The following SEZ6L variants were observed in gnomAD, a reference collection of about 807,000 sequenced individuals.
SEZ6L encodes seizure 6-like protein.
A neutral mutation model predicts 106.2 loss-of-function variants in SEZ6L; 37 were observed. That is an observed-to-expected ratio of 0.35 (90% CI 0.27 to 0.46). The LOEUF (loss-of-function observed/expected upper bound fraction) is 0.46. SEZ6L is among the 20% of genes least tolerant of loss of function. The probability of loss-of-function intolerance (pLI) is 1.00; values close to 1 mark genes in which losing one functional copy is unlikely to be tolerated. For synonymous variants in SEZ6L, 541 were observed against 570.4 expected (o/e 0.95, Z 0.73); for missense variants, 1,172 against 1,332.8 (o/e 0.88, Z 1.88).
intron 1 of SEZ6L, among the ~76,000 whole-genome samples, chr22:26,196,122 A>C (rs1226495510): frequency 6.6e-6 from 1 of 152,168 alleles, no homozygotes; most frequent in African/African-American, 2.4e-5. Flanking sequence ...GTTTAGCACC[A>C]TCTTCTTGGT....
rs1006068678 is a variant in SEZ6L at position 26,211,124 on chromosome 22, C to G, written c.94+41361C>G. On this transcript the variant is annotated intron_variant, in intron 1 of 16. Coordinates refer to ENST00000248933, the MANE Select transcript of SEZ6L (RefSeq NM_021115.5). ...CTCAAGCCCTGGTCTTCTCCACAGACTAGCCTAGGTCTCTCTATTTCTTGA... is the reference window on the plus strand; with the variant it reads ...CTCAAGCCCTGGTCTTCTCCACAGAGTAGCCTAGGTCTCTCTATTTCTTGA... 5.3e-5 allele frequency among the ~76,000 whole-genome samples: 8 copies of G among 152,320 alleles called. No individual in the cohort carries two copies. The East Asian group carries it at 1.3e-3, about 26-fold the overall frequency.
chr22:26,169,826 G>C (rs1016692106), intron 1 of SEZ6L, 63 bp downstream of exon 1: 9 of 847,722 alleles, frequency 1.1e-5, no homozygotes, highest in Non-Finnish European at 1.4e-5. Flanking sequence ...GGGCAGCCAG[G>C]GGTCGGGGCT....
chr22:26,367,818 A>G (rs1283786156), intron 13 of SEZ6L, among the ~76,000 whole-genome samples: 1 of 152,158 alleles, frequency 6.6e-6, no homozygotes, highest in Non-Finnish European at 1.5e-5. Flanking sequence ...GTTTGTGCAC[A>G]CGGGGAATCG....
intron 9 of SEZ6L, among the ~76,000 whole-genome samples, chr22:26,334,756 C>T (rs921335002): frequency 2.0e-5 from 3 of 152,164 alleles, no homozygotes; most frequent in East Asian, 1.9e-4. Context: ...GGAGCTCACA[C>T]TTTGTGCCTG....
At chr22:26,299,300 T>A (rs951509762) in intron 5 of SEZ6L, 131 bp downstream of exon 5, 3 of 616,438 alleles carry the variant, frequency 4.9e-6, no homozygotes, top group African/African-American at 1.9e-5. Flanking sequence ...CAAATATGGA[T>A]GACTATTGTT....
chr22:26,230,628 A>C (rs2078770195), intron 1 of SEZ6L, among the ~76,000 whole-genome samples: 1 of 152,240 alleles, frequency 6.6e-6, no homozygotes, highest in Non-Finnish European at 1.5e-5. Context: ...TCAGGGAAAC[A>C]GACTGGAGAC....
At chr22:26,200,270 GTGTA>G (rs556584980) in intron 1 of SEZ6L, among the ~76,000 whole-genome samples, 195 of 152,276 alleles carry the variant, frequency 1.3e-3, no homozygotes, top group Non-Finnish European at 2.3e-3. Flanking sequence ...TTGCATGTAT[GTGTA>G]TGTGTGTGTA....
intron 1 of SEZ6L, among the ~76,000 whole-genome samples, chr22:26,199,197 A>G (rs1602010208): frequency 6.6e-6 from 1 of 152,164 alleles, no homozygotes; most frequent in African/African-American, 2.4e-5. Flanking sequence ...CCAATCACCA[A>G]CCAACCTTTT....
In SEZ6L at chr22:26,313,571, T is replaced by TACACACAC. The variant is rs56086023; in HGVS notation, c.1877-168_1877-161dup. ...AGCTGGCCAGCTCTCATTTAATCAT[T>TACACACAC]ACACACACACACACACACACACACA... On this transcript the variant is annotated intron_variant, in intron 8 of 16. Transcript: ENST00000248933. 1.6e-3 allele frequency among the ~76,000 whole-genome samples: 164 copies of TACACACAC among 103,878 alleles called. 2 individuals are homozygous for TACACACAC. Among genetic ancestry groups the TACACACAC allele is most frequent in the African/African-American group, 6.8e-3 (154 of 22,592 alleles). The allele number at this position is 103,878 out of a possible 152,430, so 68.1% of individuals were successfully genotyped here. A position where few individuals can be genotyped will look rare whatever the true frequency, so the allele number is the denominator to read the frequency against.
At chr22:26,294,721 AACACACACACACAC>A (rs56000206) in intron 3 of SEZ6L, among the ~76,000 whole-genome samples, 23 of 148,274 alleles carry the variant, frequency 1.6e-4, no homozygotes, top group South Asian at 4.4e-4. Flanking sequence ...CACGTGCATA[AACACACACACACAC>A]ACACACACAC....
chr22:26,228,827 G>A lies in SEZ6L; in HGVS notation c.94+59064G>A, dbSNP rs528160846. 2.0e-5 allele frequency among the ~76,000 whole-genome samples: 3 copies of A among 152,248 alleles called. No homozygotes were observed. The East Asian group carries it at 5.8e-4, about 29-fold the overall frequency. ...CTATTCATTGGCTGCACCAGAAGAG[G>A]AACCCATCTGGCCTCTTTGTTACTG... On this transcript the variant is annotated intron_variant, in intron 1 of 16. Transcript: ENST00000248933.
At chr22:26,239,196 C>T (rs2079039427) in intron 1 of SEZ6L, among the ~76,000 whole-genome samples, 1 of 152,166 alleles carries the variant, frequency 6.6e-6, no homozygotes, top group Non-Finnish European at 1.5e-5. Context: ...TGCTCTCCAG[C>T]CTGGGCGGCA....
chr22:26,212,979 C>G (rs2145706749), intron 1 of SEZ6L, among the ~76,000 whole-genome samples: 1 of 152,212 alleles, frequency 6.6e-6, no homozygotes, highest in South Asian at 2.1e-4. Flanking sequence ...GGCTGAAGGT[C>G]CAGATGAAGA....
intron 13 of SEZ6L, among the ~76,000 whole-genome samples, chr22:26,370,798 G>T (rs1258551523): frequency 3.9e-5 from 6 of 152,098 alleles, no homozygotes; most frequent in African/African-American, 1.4e-4. Flanking sequence ...GAGCCCAGGA[G>T]TTCGAGACCA....
At chr22:26,280,537 A>G (rs531244084) in intron 1 of SEZ6L, among the ~76,000 whole-genome samples, 207 of 152,278 alleles carry the variant, frequency 1.4e-3, no homozygotes, top group Non-Finnish European at 2.0e-3. Flanking sequence ...TCTTTTTAGA[A>G]GGAAGAAGAC....
intron 1 of SEZ6L, among the ~76,000 whole-genome samples, chr22:26,271,043 A>T (rs766627802): frequency 6.6e-6 from 1 of 152,210 alleles, no homozygotes; most frequent in Non-Finnish European, 1.5e-5. Context: ...AGAAGATGAC[A>T]ATTTGTCTTA....
intron 9 of SEZ6L, among the ~76,000 whole-genome samples, chr22:26,332,846 G>C (rs1159371702): frequency 2.0e-5 from 3 of 152,180 alleles, no homozygotes; most frequent in Non-Finnish European, 2.9e-5. Context: ...GCTTTCATGG[G>C]CTGTTGTATA....
intron 1 of SEZ6L, among the ~76,000 whole-genome samples, chr22:26,263,102 TTCATGCTTCCCATGG>T (rs2080069344): frequency 6.6e-6 from 1 of 152,144 alleles, no homozygotes; most frequent in East Asian, 1.9e-4. Flanking sequence ...ACTCAGCACT[TTCATGCTTCCCATGG>T]TCTACCGGGT....
rs199565691 is a variant in SEZ6L at position 26,305,904 on chromosome 22, CT to C, written c.1349-72del. The C allele has an allele frequency of 3.0e-6, 4 of 1,314,494 alleles. No individual in the cohort carries two copies. The African/African-American group carries it at 6.2e-5, about 20-fold the overall frequency. 81.4% of individuals were successfully genotyped at this position (1,314,494 alleles called of 1,614,324 possible). A position where few individuals can be genotyped will look rare whatever the true frequency, so the allele number is the denominator to read the frequency against. Reference sequence around the variant, plus strand: ...CTCACTTCCTTCTCTCTCTCTCTCTCTTTCTCTCTGTCTCTCTCCTCTCTCT... The same window carrying C: ...CTCACTTCCTTCTCTCTCTCTCTCTCTTCTCTCTGTCTCTCTCCTCTCTCT... On this transcript the variant is annotated intron_variant, in intron 5 of 16. Coordinates refer to ENST00000248933, the MANE Select transcript of SEZ6L (RefSeq NM_021115.5).
Sources: allele counts gnomAD v4.1 joint callset (sites outside exome capture counted in the v4.1 genomes callset), GRCh38; gene constraint gnomAD v4.1.1; transcripts MANE v1.5; gene names NCBI Gene and HGNC (gene_info 2026-07-23, HGNC 2026-07-21).